Variants in LRP1B observed in about 807,000 individuals in gnomAD.
The protein encoded by LRP1B is low-density lipoprotein receptor-related protein 1B.
Under a neutral mutation model 556.6 loss-of-function variants are expected in LRP1B, and 217 were observed. That is an observed-to-expected ratio of 0.39 (90% CI 0.35 to 0.44). LRP1B has a LOEUF of 0.44. Among genes scored for constraint, LRP1B ranks in the 20% least tolerant of loss-of-function variants. The pLI is 1.00. For missense variants in LRP1B, 5,053 were observed against 5,620.8 expected, an observed-to-expected ratio of 0.90 and a Z score of 3.23; for synonymous variants, 2,047 against 1,865.8, an observed-to-expected ratio of 1.10 and a Z score of -2.50.
chr2:140,290,507 C>T (rs949254911), intron 84 of LRP1B, among the ~76,000 whole-genome samples: 5 of 152,028 alleles, frequency 3.3e-5, no homozygotes, highest in Admixed American at 2.6e-4. Flanking sequence ...TGTAAAGAAT[C>T]TTAAATATTC....
chr2:141,781,804 AT>A (rs2105640128), intron 2 of LRP1B, among the ~76,000 whole-genome samples: 1 of 152,244 alleles, frequency 6.6e-6, no homozygotes, highest in African/African-American at 2.4e-5. Context: ...TAGGGAAACC[AT>A]TCTTTCCAAC....
intron 2 of LRP1B, among the ~76,000 whole-genome samples, chr2:141,787,170 G>A (rs1461629253): frequency 1.3e-5 from 2 of 151,906 alleles, no homozygotes; most frequent in African/African-American, 4.8e-5. Flanking sequence ...AGCTATTTTA[G>A]AAAACTGTAT....
At chr2:141,766,273 T>G (rs1694729689) in intron 2 of LRP1B, among the ~76,000 whole-genome samples, 1 of 152,096 alleles carries the variant, frequency 6.6e-6, no homozygotes. Flanking sequence ...TGAAATTGAT[T>G]GTACAAATTT....
Position 141,229,350 on chromosome 2 carries a change from C to A in LRP1B, c.683G>T (p.Ser228Ile), listed in dbSNP as rs777804609. 1.9e-6 allele frequency: 3 copies of A among 1,612,434 alleles called. No homozygotes were observed. The highest frequency in any genetic ancestry group is 2.5e-6 in the Non-Finnish European group (3 of 1,178,902). Reference sequence around the variant, plus strand: ...ATGAATTTCATTTCCATTGACTGAGCTTAGAGTTGCCATTTTACTTCCATT... The same window carrying A: ...ATGAATTTCATTTCCATTGACTGAGATTAGAGTTGCCATTTTACTTCCATT... ...YLNGSKMATL[S>I]SVNGNEIHTL... Residue 228 changes from serine to isoleucine, a missense_variant, in exon 6 of 91, where the codon AGC becomes ATC. Around this residue, in one of 5 missense-constraint regions of LRP1B, gnomAD observed 3,619 missense variants for 3,931.9 expected, o/e 0.92. Coordinates refer to ENST00000389484, the MANE Select transcript of LRP1B (RefSeq NM_018557.3).
At position 140,354,691 on chromosome 2, in the gene LRP1B, C is replaced by T. The variant is rs866815032; in HGVS notation, c.11531-1619G>A. On this transcript the variant is annotated intron_variant, in intron 75 of 90. Transcript: ENST00000389484. ...TTATACTGGCCTGAACCATCATTTT[C>T]GCCTCATCTCTAGAAAGCCTGGATC... 7.2e-5 allele frequency among the ~76,000 whole-genome samples: 11 copies of T among 152,070 alleles called. No homozygotes were observed. In the South Asian group the frequency reaches 1.2e-3, roughly 17 times the overall value.
chr2:141,149,551 T>C lies in LRP1B; in HGVS notation c.1013+38870A>G, dbSNP rs978967507. Among the ~76,000 whole-genome samples the C allele has an allele frequency of 5.3e-5, 8 of 152,248 alleles. No individual in the cohort carries two copies. The East Asian group carries it at 5.8e-4, about 11-fold the overall frequency. On this transcript the variant is annotated intron_variant, in intron 7 of 90. Coordinates refer to ENST00000389484, the MANE Select transcript of LRP1B (RefSeq NM_018557.3). Reference sequence around the variant, plus strand: ...GTATTTCTATTCTACAACTCCTTTATAGCACTACCTTGATCCACTTGAGAC... The same window carrying C: ...GTATTTCTATTCTACAACTCCTTTACAGCACTACCTTGATCCACTTGAGAC...
At chr2:141,713,598 T>G (rs1692456654) in intron 2 of LRP1B, among the ~76,000 whole-genome samples, 1 of 152,194 alleles carries the variant, frequency 6.6e-6, no homozygotes, top group African/African-American at 2.4e-5. Flanking sequence ...GAGCACTTAT[T>G]AGTTAAAATG....
chr2:140,898,852 A>G (rs1024893909), intron 23 of LRP1B: 1 of 468,920 alleles, frequency 2.1e-6, no homozygotes, highest in South Asian at 1.6e-5. Flanking sequence ...CCAGATCTGA[A>G]GTATACCTGA....
chr2:140,280,437 G>A (rs10180155), intron 84 of LRP1B, among the ~76,000 whole-genome samples: 6,761 of 151,672 alleles, frequency 0.045, 279 homozygotes, highest in African/African-American at 0.11. Flanking sequence ...AGAAACAGTC[G>A]ATTTATGAAC....
chr2:140,776,291 A>G, intron 32 of LRP1B, 53 bp from the exon 33 acceptor site: 1 of 1,157,324 alleles, frequency 8.6e-7, no homozygotes, highest in Non-Finnish European at 1.2e-6. Flanking sequence ...CTTATTAAAT[A>G]ATAATAAATA....
At chr2:141,031,893 T>G (rs1471294786) in intron 11 of LRP1B, among the ~76,000 whole-genome samples, 2 of 151,958 alleles carry the variant, frequency 1.3e-5, no homozygotes, top group African/African-American at 4.8e-5. Context: ...ACTTACAACT[T>G]ATATTAATGT....
intron 2 of LRP1B, among the ~76,000 whole-genome samples, chr2:141,646,111 C>G (rs1689553933): frequency 6.6e-6 from 1 of 152,078 alleles, no homozygotes; most frequent in Non-Finnish European, 1.5e-5. Flanking sequence ...TAAGATTCCC[C>G]AAATTTCTTC....
At chr2:140,863,045 G>C (rs1275629526) in intron 27 of LRP1B, among the ~76,000 whole-genome samples, 1 of 152,002 alleles carries the variant, frequency 6.6e-6, no homozygotes, top group Non-Finnish European at 1.5e-5. Context: ...TACACCACTG[G>C]TTTTCCTGGT....
At chr2:141,780,320 A>T (rs1303203505) in intron 2 of LRP1B, among the ~76,000 whole-genome samples, 1 of 152,056 alleles carries the variant, frequency 6.6e-6, no homozygotes, top group Non-Finnish European at 1.5e-5. Context: ...ATTCTTTTTT[A>T]AAATGAAATT....
chr2:141,233,852 CAT>C (rs1448983589), intron 5 of LRP1B, among the ~76,000 whole-genome samples: 2 of 151,708 alleles, frequency 1.3e-5, no homozygotes, highest in Admixed American at 6.6e-5. Context: ...AACTAACAAA[CAT>C]ATGTATATAA....
At chr2:140,372,021 A>G (rs1485743960) in intron 69 of LRP1B, among the ~76,000 whole-genome samples, 3 of 152,056 alleles carry the variant, frequency 2.0e-5, no homozygotes, top group Non-Finnish European at 4.4e-5. Context: ...AGTCTAATTA[A>G]TTGACAGAAA....
intron 1 of LRP1B, among the ~76,000 whole-genome samples, chr2:141,827,089 G>GA (rs1398492764): frequency 6.6e-6 from 1 of 152,114 alleles, no homozygotes; most frequent in African/African-American, 2.4e-5. Context: ...TTGTTTTTGA[G>GA]AAAATTTAGA....
chr2:142,086,415 C>T (rs959965908), intron 1 of LRP1B, among the ~76,000 whole-genome samples: 44 of 152,134 alleles, frequency 2.9e-4, no homozygotes, highest in African/African-American at 7.2e-4. Context: ...AGAGACCATC[C>T]TGGCCAACAT....
rs745477540 is a variant in LRP1B at position 140,639,491 on chromosome 2, T to A, written c.6800-37852A>T. Reference sequence around the variant, plus strand: ...ATAATTATGCAGATTCATTTGAATGTCACTGACAGTTGATGAGCTTCATTC... The same window carrying A: ...ATAATTATGCAGATTCATTTGAATGACACTGACAGTTGATGAGCTTCATTC... On this transcript the variant is annotated intron_variant, in intron 41 of 90. Transcript: ENST00000389484. 1.5e-4 allele frequency among the ~76,000 whole-genome samples: 23 copies of A among 152,346 alleles called. 1 individual carries two copies. The Middle Eastern group carries it at 0.01, about 68-fold the overall frequency.
Sources: allele counts gnomAD v4.1 joint callset (sites outside exome capture counted in the v4.1 genomes callset), GRCh38; gene constraint gnomAD v4.1.1; regional missense constraint gnomAD v4.1.1; transcripts MANE v1.5; gene names NCBI Gene and HGNC (gene_info 2026-07-23, HGNC 2026-07-21).